The following ZMYM2 variants were observed in gnomAD, a reference collection of about 807,000 sequenced individuals.
ZMYM2 encodes the protein zinc finger MYM-type containing 2, also known as zinc finger MYM-type protein 2.
ZMYM2 carries 56 observed loss-of-function variants against 162.8 expected under a neutral mutation model. The ratio of observed to expected loss-of-function variants is 0.34; its 90% CI spans 0.28 to 0.43. ZMYM2 has a LOEUF of 0.43. Among genes scored for constraint, ZMYM2 ranks in the 20% least tolerant of loss-of-function variants. ZMYM2 has a pLI of 1.00. For synonymous variants in ZMYM2, 510 were observed against 541.6 expected, an observed-to-expected ratio of 0.94 and a Z score of 0.81; for missense variants, 1,275 against 1,621.8, an observed-to-expected ratio of 0.79 and a Z score of 3.67.
intron 2 of ZMYM2, among the ~76,000 whole-genome samples, chr13:19,963,125 C>T (rs1032401786): frequency 1.3e-5 from 2 of 152,196 alleles, no homozygotes; most frequent in Non-Finnish European, 2.9e-5. Flanking sequence ...AGGCGTGAGC[C>T]ACCGTGCCGG....
At chr13:19,882,249 T>G in the ZMYM2 span, among the ~76,000 whole-genome samples, 2 of 152,222 alleles carry the variant, frequency 1.3e-5, no homozygotes, top group East Asian at 3.9e-4. Context: ...ACCTTCATAA[T>G]GGGAGAATAT....
chr13:20,006,408 A>C lies in ZMYM2; in HGVS notation c.1334A>C (p.His445Pro), dbSNP rs764135249. 6.2e-7 allele frequency: 1 copy of C among 1,600,872 alleles called. No homozygotes were observed. Among genetic ancestry groups the C allele is most frequent in the Non-Finnish European group, 8.5e-7 (1 of 1,173,082 alleles). Residue 445 changes from histidine (H) to proline (P), a missense_variant, in exon 6 of 25, where the codon CAT (histidine) becomes CCT (proline). His to Pro is a moderately conservative substitution (Grantham distance 77). Coordinates refer to ENST00000610343, the MANE Select transcript of ZMYM2 (RefSeq NM_197968.4). ...GAAGTCAGCTTTAAAAATATGACTC[A>C]TAAGCTGTGCAGTGACCACTGCTTT... is the stretch of plus-strand genomic sequence containing the variant. The part of the protein sequence containing the change: ...RHEVSFKNMT[H>P]KLCSDHCFNR...
intron 10 of ZMYM2, among the ~76,000 whole-genome samples, chr13:20,033,803 C>G (rs1014290174): frequency 6.6e-6 from 1 of 152,206 alleles, no homozygotes; most frequent in Admixed American, 6.5e-5. Context: ...TTGAATACTT[C>G]ATCCATGATA....
At chr13:19,933,180 G>A in the ZMYM2 span, among the ~76,000 whole-genome samples, 1 of 152,060 alleles carries the variant, frequency 6.6e-6, no homozygotes, top group Non-Finnish European at 1.5e-5. Context: ...TTGAACTCCT[G>A]GGCTCAAGTG....
At position 20,006,541 on chromosome 13, in the gene ZMYM2, A is replaced by G. The variant is rs974784709; in HGVS notation, c.1467A>G (p.Gln489=). The change falls in exon 6 of 25, where the codon CAA becomes CAG. Residue 489 remains glutamine, a synonymous_variant. Transcript: ENST00000610343. ...ATAATGTTCTGGTGATTGATGGTCAACAGAAAAGATTTTGCTGTCAAAGTT... is the reference window on the plus strand; with the variant it reads ...ATAATGTTCTGGTGATTGATGGTCAGCAGAAAAGATTTTGCTGTCAAAGTT... The part of the protein sequence containing the change: ...AGNNVLVIDG[Q]QKRFCCQSCV... 10 of 1,613,918 alleles carry G rather than the reference A, an allele frequency of 6.2e-6. No homozygotes were observed. The highest frequency in any genetic ancestry group is 2.2e-5 in the East Asian group (1 of 44,854).
At chr13:19,944,622 G>C in the ZMYM2 span, among the ~76,000 whole-genome samples, 1 of 152,152 alleles carries the variant, frequency 6.6e-6, no homozygotes, top group Admixed American at 6.5e-5. Context: ...GGTAGGGGGA[G>C]TCTTACTCCT....
chr13:20,040,684 G>T (rs190013927), intron 12 of ZMYM2, among the ~76,000 whole-genome samples: 8 of 152,174 alleles, frequency 5.3e-5, no homozygotes, highest in African/African-American at 1.9e-4. Flanking sequence ...AGTTCTTTTA[G>T]TTGTGATGTT....
intron 5 of ZMYM2, among the ~76,000 whole-genome samples, chr13:20,005,972 A>G (rs1294247684): frequency 6.6e-6 from 1 of 152,170 alleles, no homozygotes; most frequent in Admixed American, 6.5e-5. Flanking sequence ...GCTCACACCT[A>G]TATAATCCTA....
the ZMYM2 span, among the ~76,000 whole-genome samples, chr13:19,925,688 T>A: frequency 6.6e-6 from 1 of 151,470 alleles, no homozygotes; most frequent in Non-Finnish European, 1.5e-5. Context: ...GCCTGGCCAA[T>A]GTGGTGAAAC....
chr13:20,046,603 GTGTGTATATATATGTGTATATATA>G (rs71070291), intron 12 of ZMYM2, among the ~76,000 whole-genome samples: 26 of 104,694 alleles, frequency 2.5e-4, no homozygotes, highest in South Asian at 1.1e-3. Context: ...GTGTGTGTGT[GTGTGTATATATATGTGTATATATA>G]TGTGTATATA....
At chr13:19,884,592 G>A in the ZMYM2 span, among the ~76,000 whole-genome samples, 1 of 152,002 alleles carries the variant, frequency 6.6e-6, no homozygotes, top group African/African-American at 2.4e-5. Flanking sequence ...AAAAAAAGCC[G>A]TGGTCCTCAC....
Position 19,993,893 on chromosome 13 carries a change from G to A in ZMYM2, c.821G>A (p.Gly274Glu). The change falls in exon 3 of 25, where the codon GGA (glycine) becomes GAA (glutamate). Residue 274 changes from glycine (G) to glutamate (E), a missense_variant. Coordinates refer to ENST00000610343, the MANE Select transcript of ZMYM2 (RefSeq NM_197968.4). ...GTGGCAGGAGACGTTTTTCAGAATG[G>A]AGAATCTGCAACTCATCATAATCCT... ...MNVAGDVFQNGESATHHNPDS... is the reference protein window; with the variant it reads ...MNVAGDVFQNEESATHHNPDS... 1 of 1,613,308 alleles carries A rather than the reference G, an allele frequency of 6.2e-7. No homozygotes were observed. The highest frequency in any genetic ancestry group is 1.7e-5 in the Admixed American group (1 of 59,932).
chr13:19,975,933 G>T (rs531164602), intron 2 of ZMYM2, among the ~76,000 whole-genome samples: 67 of 152,004 alleles, frequency 4.4e-4, no homozygotes, highest in African/African-American at 1.6e-3. Flanking sequence ...ATGTTGCCCA[G>T]CCTGGTCTTG....
At chr13:19,965,240 C>G (rs753239977) in intron 2 of ZMYM2, 6 of 1,300,090 alleles carry the variant, frequency 4.6e-6, no homozygotes, top group Non-Finnish European at 6.0e-6. Context: ...GTATATTACT[C>G]TCTGCCGTAG....
At chr13:20,039,246 A>G (rs902714376) in intron 12 of ZMYM2, among the ~76,000 whole-genome samples, 3 of 152,186 alleles carry the variant, frequency 2.0e-5, no homozygotes, top group South Asian at 2.1e-4. Context: ...CTCTCTTCCT[A>G]TTTGGATGCC....
At chr13:20,007,274 T>TA (rs1950816878) in intron 6 of ZMYM2, among the ~76,000 whole-genome samples, 1 of 152,060 alleles carries the variant, frequency 6.6e-6, no homozygotes, top group South Asian at 2.1e-4. Flanking sequence ...TAGCTGGGAT[T>TA]ACAGGCATGC....
chr13:20,068,611 CCCT>C (rs916468145), intron 21 of ZMYM2, among the ~76,000 whole-genome samples: 1 of 152,072 alleles, frequency 6.6e-6, no homozygotes, highest in African/African-American at 2.4e-5. Flanking sequence ...TGTGTATTTT[CCCT>C]CCTCTTCTTT....
At chr13:19,889,090 T>A in the ZMYM2 span, among the ~76,000 whole-genome samples, 1 of 151,926 alleles carries the variant, frequency 6.6e-6, no homozygotes, top group African/African-American at 2.4e-5. Flanking sequence ...TTGGAACCCT[T>A]ATCTTTCCTT....
chr13:19,893,701 C>T, the ZMYM2 span, among the ~76,000 whole-genome samples: 1 of 151,696 alleles, frequency 6.6e-6, no homozygotes, highest in Non-Finnish European at 1.5e-5. Flanking sequence ...GATGACACGA[C>T]TGCAGTCTAG....
Sources: allele counts gnomAD v4.1 joint callset (sites outside exome capture counted in the v4.1 genomes callset), GRCh38; gene constraint gnomAD v4.1.1; transcripts MANE v1.5; gene names NCBI Gene and HGNC (gene_info 2026-07-23, HGNC 2026-07-21).